The following IQCM variants were observed in gnomAD, a reference collection of about 807,000 sequenced individuals.
The protein encoded by IQCM is IQ motif containing M.
IQCM carries 45 observed loss-of-function variants against 57.6 expected under a neutral mutation model. That is an observed-to-expected ratio of 0.78 (90% CI 0.62 to 1.00). The LOEUF (loss-of-function observed/expected upper bound fraction) is 1.00. Ranked by LOEUF, IQCM falls within the 50% of genes least tolerant of loss-of-function variation. The pLI is 0.00. For synonymous variants in IQCM, 148 were observed against 158.9 expected, an observed-to-expected ratio of 0.93 and a Z score of 0.51; for missense variants, 468 against 511.6, an observed-to-expected ratio of 0.91 and a Z score of 0.82.
At chr4:149,774,856 A>G (rs919230790) in intron 2 of IQCM, among the ~76,000 whole-genome samples, 2 of 151,922 alleles carry the variant, frequency 1.3e-5, no homozygotes, top group Admixed American at 1.3e-4. Context: ...ATAAAAGAGA[A>G]GATAGAAAAA....
intron 12 of IQCM, among the ~76,000 whole-genome samples, chr4:149,470,484 C>T (rs574360395): frequency 1.4e-4 from 21 of 152,046 alleles, no homozygotes; most frequent in Non-Finnish European, 2.1e-4. Flanking sequence ...AAGTCCATAG[C>T]GACCTAGAAA....
chr4:149,491,464 T>A (rs1364517836), intron 12 of IQCM, among the ~76,000 whole-genome samples: 1 of 152,134 alleles, frequency 6.6e-6, no homozygotes, highest in African/African-American at 2.4e-5. Context: ...TTTCTACTTC[T>A]ATGAGTACAA....
intron 13 of IQCM, among the ~76,000 whole-genome samples, chr4:149,400,510 A>G (rs1732545309): frequency 6.6e-6 from 1 of 152,122 alleles, no homozygotes; most frequent in African/African-American, 2.4e-5. Context: ...ATACATTCCT[A>G]ACCAATATAA....
rs377035331 is a variant in IQCM at position 149,674,910 on chromosome 4, C to T, written c.565+7208G>A. On this transcript the variant is annotated intron_variant, in intron 7 of 13. Transcript: ENST00000636793. Reference sequence around the variant, plus strand: ...TGATATCTGGGCCTACTGTAACCACCGGGAGCCTCAGGCTCCCAGTAGGAA... The same window carrying T: ...TGATATCTGGGCCTACTGTAACCACTGGGAGCCTCAGGCTCCCAGTAGGAA... 1.1e-3 allele frequency among the ~76,000 whole-genome samples: 168 copies of T among 152,100 alleles called. 1 individual carries two copies. The highest frequency in any genetic ancestry group is 3.6e-3 in the African/African-American group (150 of 41,514).
intron 7 of IQCM, among the ~76,000 whole-genome samples, chr4:149,679,652 A>G (rs1290400161): frequency 6.6e-6 from 1 of 151,136 alleles, no homozygotes; most frequent in East Asian, 1.9e-4. Flanking sequence ...TGTGTTATGC[A>G]TGAATTGTAA....
At chr4:149,627,861 G>A (rs1756945580) in intron 7 of IQCM, among the ~76,000 whole-genome samples, 1 of 152,158 alleles carries the variant, frequency 6.6e-6, no homozygotes, top group South Asian at 2.1e-4. Context: ...TACAAGAGAG[G>A]CAGAGGCAGA....
chr4:149,374,854 G>A (rs1041367769), intron 13 of IQCM, among the ~76,000 whole-genome samples: 4 of 151,950 alleles, frequency 2.6e-5, no homozygotes, highest in African/African-American at 9.7e-5. Context: ...AGGAGTTTAG[G>A]TGCTTTTACC....
chr4:149,663,473 G>C (rs760891564), intron 7 of IQCM, among the ~76,000 whole-genome samples: 3 of 151,978 alleles, frequency 2.0e-5, no homozygotes, highest in Non-Finnish European at 4.4e-5. Flanking sequence ...TTCTTGTAAG[G>C]CTAGGCTAGT....
intron 13 of IQCM, among the ~76,000 whole-genome samples, chr4:149,368,662 T>G (rs971383298): frequency 1.3e-5 from 2 of 149,682 alleles, no homozygotes; most frequent in African/African-American, 4.9e-5. Flanking sequence ...TATTTCTTTT[T>G]TTGAGGCTTT....
At chr4:149,736,518 C>G (rs757684593) in intron 3 of IQCM, among the ~76,000 whole-genome samples, 3 of 152,144 alleles carry the variant, frequency 2.0e-5, no homozygotes, top group Non-Finnish European at 4.4e-5. Context: ...CCAGTGGGCT[C>G]TCTGTTTTTA....
chr4:149,508,270 G>A (rs762872789), intron 12 of IQCM, among the ~76,000 whole-genome samples: 42 of 152,036 alleles, frequency 2.8e-4, no homozygotes, highest in Non-Finnish European at 4.7e-4. Flanking sequence ...AGAGAAGAGG[G>A]CCACCATCCT....
At chr4:149,565,155 C>T (rs912920550) in intron 9 of IQCM, among the ~76,000 whole-genome samples, 1 of 152,114 alleles carries the variant, frequency 6.6e-6, no homozygotes, top group Non-Finnish European at 1.5e-5. Context: ...TTCACCAGGG[C>T]TGAGTCTTGC....
intron 13 of IQCM, among the ~76,000 whole-genome samples, chr4:149,354,382 A>AAAAAAAAAAAAAAAAC (rs764445072): frequency 2.2e-5 from 3 of 136,486 alleles, no homozygotes; most frequent in Non-Finnish European, 3.2e-5. Flanking sequence ...AAAAAAAAAA[A>AAAAAAAAAAAAAAAAC]AAAAAAACTG....
At chr4:149,800,417 C>T (rs1043626000) in intron 2 of IQCM, among the ~76,000 whole-genome samples, 5 of 151,852 alleles carry the variant, frequency 3.3e-5, no homozygotes, top group Non-Finnish European at 7.4e-5. Flanking sequence ...AACTGAAACC[C>T]TTTCCTCTAA....
chr4:149,601,980 G>A (rs2150034026), intron 8 of IQCM, among the ~76,000 whole-genome samples: 1 of 150,566 alleles, frequency 6.6e-6, no homozygotes, highest in African/African-American at 2.4e-5. Flanking sequence ...CGTGAACCCG[G>A]GAGGCGGAGC....
intron 5 of IQCM, among the ~76,000 whole-genome samples, chr4:149,704,472 C>G (rs1188217082): frequency 6.6e-6 from 1 of 151,856 alleles, no homozygotes; most frequent in Non-Finnish European, 1.5e-5. Context: ...ATAATTGTGA[C>G]AGAGATCATA....
At chr4:149,622,500 G>A (rs1192846427) in intron 7 of IQCM, among the ~76,000 whole-genome samples, 1 of 151,952 alleles carries the variant, frequency 6.6e-6, no homozygotes, top group Non-Finnish European at 1.5e-5. Context: ...CAGCCTCCAC[G>A]CCCGGCTAAT....
chr4:149,810,474 G>A (rs959353342), intron 2 of IQCM, among the ~76,000 whole-genome samples: 1 of 151,222 alleles, frequency 6.6e-6, no homozygotes, highest in Non-Finnish European at 1.5e-5. Context: ...CTTTGAGACA[G>A]AGTCTTGCTC....
chr4:149,643,466 A>G (rs760147616), intron 7 of IQCM, among the ~76,000 whole-genome samples: 6 of 152,222 alleles, frequency 3.9e-5, no homozygotes, highest in Non-Finnish European at 5.9e-5. Context: ...TCCACAGGTG[A>G]TAAGACATTT....
Sources: allele counts gnomAD v4.1 joint callset (sites outside exome capture counted in the v4.1 genomes callset), GRCh38; gene constraint gnomAD v4.1.1; transcripts MANE v1.5; gene names NCBI Gene and HGNC (gene_info 2026-07-23, HGNC 2026-07-21).